Variants in SMARCA2 observed in about 807,000 individuals in gnomAD.
The protein encoded by SMARCA2 is SWI/SNF related BAF chromatin remodeling complex subunit ATPase 2, also known as SWI/SNF-related matrix-associated actin-dependent regulator of chromatin subfamily A member 2.
In SMARCA2, 61 loss-of-function variants were observed where a neutral mutation model predicts 199.8. The ratio of observed to expected loss-of-function variants is 0.31; its 90% CI spans 0.25 to 0.38. SMARCA2 has a LOEUF of 0.38. Among genes scored for constraint, SMARCA2 ranks in the 10% least tolerant of loss-of-function variants. The probability of loss-of-function intolerance (pLI) is 1.00; values close to 1 mark genes in which losing one functional copy is unlikely to be tolerated. For missense variants in SMARCA2, 1,344 were observed against 2,012.2 expected (o/e 0.67, Z 6.35); for synonymous variants, 935 against 732.0 (o/e 1.28, Z -4.48).
At chr9:2,189,815 C>G (rs1280956602) in intron 32 of SMARCA2, among the ~76,000 whole-genome samples, 1 of 152,170 alleles carries the variant, frequency 6.6e-6, no homozygotes, top group African/African-American at 2.4e-5. Flanking sequence ...CAGCACAGCT[C>G]TCATCTCTTC....
chr9:2,050,649 C>G (rs1006302542), intron 5 of SMARCA2, among the ~76,000 whole-genome samples: 50 of 151,106 alleles, frequency 3.3e-4, no homozygotes, highest in Non-Finnish European at 6.2e-4. Flanking sequence ...TTGACCTGCC[C>G]TTGTCGCCAT....
intron 1 of SMARCA2, among the ~76,000 whole-genome samples, chr9:2,027,555 A>G (rs1420140697): frequency 6.6e-6 from 1 of 152,238 alleles, no homozygotes; most frequent in Non-Finnish European, 1.5e-5. Flanking sequence ...CTATGACTAT[A>G]TGCTGGTTGA....
At chr9:2,019,966 A>C (rs1189866499) in intron 1 of SMARCA2, among the ~76,000 whole-genome samples, 1 of 152,192 alleles carries the variant, frequency 6.6e-6, no homozygotes, top group East Asian at 1.9e-4. Context: ...CTGAATTATC[A>C]CATATGTAAT....
At chr9:2,021,186 G>A (rs1385815053) in intron 1 of SMARCA2, among the ~76,000 whole-genome samples, 1 of 151,998 alleles carries the variant, frequency 6.6e-6, no homozygotes, top group Non-Finnish European at 1.5e-5. Context: ...TTTAGAAACT[G>A]GCCTAATTTA....
intron 3 of SMARCA2, among the ~76,000 whole-genome samples, chr9:2,037,737 A>G (rs563286356): frequency 6.6e-6 from 1 of 152,328 alleles, no homozygotes; most frequent in East Asian, 1.9e-4. Flanking sequence ...CTGTGACACG[A>G]TTACATTTAT....
At chr9:2,054,507 T>C in intron 5 of SMARCA2, 90 bp from the exon 6 acceptor site, 3 of 1,494,860 alleles carry the variant, frequency 2.0e-6, no homozygotes, top group Non-Finnish European at 1.8e-6. Flanking sequence ...TGCCCCGGAC[T>C]TAAACCTAAT....
chr9:2,075,374 A>G (rs1821276684), intron 12 of SMARCA2: 1 of 152,240 alleles, frequency 6.6e-6, no homozygotes, highest in South Asian at 2.1e-4. Flanking sequence ...GATTGTCTGG[A>G]AAGATTTAGC....
intron 27 of SMARCA2, chr9:2,160,058 A>G: frequency 2.1e-6 from 2 of 961,878 alleles, no homozygotes; most frequent in South Asian, 1.7e-5. Context: ...AACTGTTGAC[A>G]GCCTTGCATG....
chr9:2,158,990 G>T, intron 27 of SMARCA2: 3 of 1,611,824 alleles, frequency 1.9e-6, no homozygotes, highest in Non-Finnish European at 2.5e-6. Flanking sequence ...TCAGTACTTT[G>T]TGTGTTTCCT....
intron 5 of SMARCA2, among the ~76,000 whole-genome samples, chr9:2,052,444 C>G (rs1246360421): frequency 6.6e-6 from 1 of 152,332 alleles, no homozygotes; most frequent in Non-Finnish European, 1.5e-5. Flanking sequence ...CCACTGCACT[C>G]CAGCCTGGCC....
intron 27 of SMARCA2, among the ~76,000 whole-genome samples, chr9:2,125,119 C>G (rs137976698): frequency 6.6e-6 from 1 of 152,126 alleles, no homozygotes; most frequent in Admixed American, 6.5e-5. Flanking sequence ...CTTGTCACCG[C>G]TTGAGATGTG....
intron 32 of SMARCA2, among the ~76,000 whole-genome samples, chr9:2,187,396 G>A (rs1021874969): frequency 6.6e-6 from 1 of 152,106 alleles, no homozygotes; most frequent in South Asian, 2.1e-4. Flanking sequence ...TCTTAGTGAG[G>A]CATGTTGGCT....
At chr9:2,073,509 AT>A in intron 11 of SMARCA2, 56 bp from the exon 12 acceptor site, 1 of 1,499,402 alleles carries the variant, frequency 6.7e-7, no homozygotes. Flanking sequence ...GTGTGTCTTT[AT>A]TGTATTGTAA....
intron 27 of SMARCA2, among the ~76,000 whole-genome samples, chr9:2,138,716 T>C (rs1824324288): frequency 6.6e-6 from 1 of 152,152 alleles, no homozygotes; most frequent in Non-Finnish European, 1.5e-5. Context: ...AGAGCTTCAG[T>C]TTCCCTGTCT....
rs759965391 is a variant in SMARCA2, at chr9:2,073,356, G to C, written c.1877+14G>C. 2.4e-5 allele frequency: 39 copies of C among 1,613,912 alleles called. No individual in the cohort carries two copies. The highest frequency in any genetic ancestry group is 3.3e-5 in the Non-Finnish European group (39 of 1,179,972). ...AATGAATCCTGGGTAAGGCATGAAA[G>C]CAGCGTTCATGGTGTTCTTTTAGCT... On this transcript the variant is annotated intron_variant, in intron 11 of 33. Transcript: ENST00000349721.
intron 27 of SMARCA2, among the ~76,000 whole-genome samples, chr9:2,144,864 C>G (rs540904066): frequency 2.0e-5 from 3 of 152,126 alleles, no homozygotes; most frequent in South Asian, 4.2e-4. Flanking sequence ...CTGAGGACAT[C>G]CAGACTTAGT....
rs767637646 is a variant in SMARCA2 at position 2,097,503 on chromosome 9, T to G, written c.3078+32T>G. 6.8e-6 allele frequency: 9 copies of G among 1,327,346 alleles called. No individual in the cohort carries two copies. The South Asian group carries it at 1.0e-4, about 15-fold the overall frequency. 82.2% of individuals were successfully genotyped at this position (1,327,346 alleles called of 1,614,324 possible). A position where few individuals can be genotyped will look rare whatever the true frequency, so the allele number is the denominator to read the frequency against. ...CTGTATTGTGTGTTTTGAGCCTGATTGTGCTAATCATACTAATGCTAGTTA... is the reference window on the plus strand; with the variant it reads ...CTGTATTGTGTGTTTTGAGCCTGATGGTGCTAATCATACTAATGCTAGTTA... On this transcript the variant is annotated intron_variant, in intron 21 of 33. Coordinates refer to ENST00000349721, the MANE Select transcript of SMARCA2 (RefSeq NM_003070.5).
chr9:2,186,345 T>C (rs1032408957), intron 32 of SMARCA2, 117 bp downstream of exon 32: 2 of 1,108,306 alleles, frequency 1.8e-6, no homozygotes. Flanking sequence ...GGAGCCCTTA[T>C]TCCACTTTGT....
chr9:2,084,915 C>T (rs1446787357), intron 17 of SMARCA2, among the ~76,000 whole-genome samples: 3 of 152,152 alleles, frequency 2.0e-5, no homozygotes, highest in Non-Finnish European at 4.4e-5. Flanking sequence ...GATGGAAGTG[C>T]TCTCTTTCGT....
Sources: gnomAD v4.1 joint callset for allele counts (sites outside exome capture counted in the v4.1 genomes callset) on GRCh38, gnomAD v4.1.1 for gene constraint, MANE v1.5 for transcripts, NCBI Gene and HGNC (gene_info 2026-07-23, HGNC 2026-07-21) for gene names.